Variants in BIRC6 observed in about 807,000 individuals in gnomAD.
BIRC6 encodes the protein dual E2 ubiquitin-conjugating enzyme/E3 ubiquitin-protein ligase BIRC6.
In BIRC6, 98 loss-of-function variants were observed where a neutral mutation model predicts 503.3. The observed-to-expected ratio is 0.19, with a 90% CI of 0.17 to 0.23. BIRC6 has a LOEUF of 0.23. Among genes scored for constraint, BIRC6 ranks in the 10% least tolerant of loss-of-function variants. The pLI is 1.00. For synonymous variants in BIRC6, 2,240 were observed against 2,078.7 expected, an observed-to-expected ratio of 1.08 and a Z score of -2.11; for missense variants, 5,360 against 5,806.0, an observed-to-expected ratio of 0.92 and a Z score of 2.50.
At chr2:32,377,883 A>G (rs1474797931) in intron 2 of BIRC6, 114 bp downstream of exon 2, 2 of 878,786 alleles carry the variant, frequency 2.3e-6, no homozygotes, top group African/African-American at 1.7e-5. Context: ...ATTGCTATAA[A>G]AACAATTTAC....
intron 73 of BIRC6, among the ~76,000 whole-genome samples, chr2:32,613,589 C>T (rs1346700914): frequency 6.6e-6 from 1 of 151,994 alleles, no homozygotes; most frequent in Admixed American, 6.6e-5. Context: ...CCATGTTGGC[C>T]AGGCTGGTCT....
intron 65 of BIRC6, among the ~76,000 whole-genome samples, chr2:32,552,582 A>G (rs967060507): frequency 1.3e-5 from 2 of 152,170 alleles, no homozygotes; most frequent in Non-Finnish European, 2.9e-5. Context: ...CCTTTTTTCC[A>G]TTACTAACTT....
At chr2:32,499,004 C>T (rs2052829243) in intron 45 of BIRC6, among the ~76,000 whole-genome samples, 1 of 152,206 alleles carries the variant, frequency 6.6e-6, no homozygotes, top group South Asian at 2.1e-4. Flanking sequence ...AGGCATGAGC[C>T]ACTGCACCTG....
intron 23 of BIRC6, among the ~76,000 whole-genome samples, chr2:32,461,630 A>C (rs2048005220): frequency 6.6e-6 from 1 of 151,012 alleles, no homozygotes; most frequent in Admixed American, 6.6e-5. Context: ...TTATAAGAGG[A>C]TATGTGCAGT....
intron 45 of BIRC6, among the ~76,000 whole-genome samples, chr2:32,496,693 T>C (rs1370143585): frequency 6.6e-6 from 1 of 152,244 alleles, no homozygotes; most frequent in Non-Finnish European, 1.5e-5. Context: ...TCCATTCCTT[T>C]TTCCTTATAA....
In BIRC6 at chr2:32,501,759, G is replaced by A. The variant is rs780164188; in HGVS notation, c.9078G>A (p.Gly3026=). 14 of 1,613,386 alleles carry A rather than the reference G, an allele frequency of 8.7e-6. No individual in the cohort carries two copies. The South Asian group carries it at 1.4e-4, about 16-fold the overall frequency. ...HLTKHENFHG[G]LDAISVGDGL... ...CTAAACATGAAAACTTTCATGGTGG[G>A]TTGGATGCCATATCAGTTGGGGATG... The change falls in exon 47 of 74, where the codon GGG becomes GGA. Residue 3026 remains glycine, a synonymous_variant. Transcript: ENST00000421745.
chr2:32,424,651 A>G (rs1466848882), intron 10 of BIRC6, among the ~76,000 whole-genome samples: 1 of 151,560 alleles, frequency 6.6e-6, no homozygotes, highest in African/African-American at 2.4e-5. Flanking sequence ...AGTAGCTGGG[A>G]TTAGGCACGC....
In BIRC6 at chr2:32,492,441, A is replaced by T. The variant is rs532111156; in HGVS notation, c.8340+883A>T. Among the ~76,000 whole-genome samples, 78 of 152,238 alleles carry T rather than the reference A, an allele frequency of 5.1e-4. 1 individual carries two copies. The highest frequency in any genetic ancestry group is 1.8e-3 in the African/African-American group (75 of 41,576). Reference sequence around the variant, plus strand: ...AGAGAAGAAACTAACTTACAGTTAGATTGGGACAGGGTTTTGGTAGGGGCA... The same window carrying T: ...AGAGAAGAAACTAACTTACAGTTAGTTTGGGACAGGGTTTTGGTAGGGGCA... On this transcript the variant is annotated intron_variant, in intron 44 of 73. Coordinates refer to ENST00000421745, the MANE Select transcript of BIRC6 (RefSeq NM_016252.4).
intron 45 of BIRC6, among the ~76,000 whole-genome samples, chr2:32,497,169 T>G (rs1228520301): frequency 6.6e-6 from 1 of 152,194 alleles, no homozygotes; most frequent in Non-Finnish European, 1.5e-5. Context: ...TGTTCATACG[T>G]TGAATTATAT....
At position 32,487,774 on chromosome 2, in the gene BIRC6, T is replaced by C; in HGVS notation, c.7941T>C (p.Phe2647=). The change falls in exon 41 of 74, where the codon TTT becomes TTC. Residue 2647 remains phenylalanine (F), a synonymous_variant. Coordinates refer to ENST00000421745, the MANE Select transcript of BIRC6 (RefSeq NM_016252.4). ...PMLNVCFNKL[F]SMLQVHHVQL... Reference sequence around the variant, plus strand: ...TAAATGTTTGTTTCAACAAACTTTTTTCCATGCTTCAAGTCCATCATGTTC... The same window carrying C: ...TAAATGTTTGTTTCAACAAACTTTTCTCCATGCTTCAAGTCCATCATGTTC... The C allele has an allele frequency of 6.2e-7, 1 of 1,612,668 alleles. No individual in the cohort carries two copies. Among genetic ancestry groups the C allele is most frequent in the Non-Finnish European group, 8.5e-7 (1 of 1,178,794 alleles).
At chr2:32,468,196 T>C (rs2048758598) in intron 28 of BIRC6, 85 bp downstream of exon 28, 2 of 1,379,268 alleles carry the variant, frequency 1.5e-6, no homozygotes, top group African/African-American at 2.9e-5. Context: ...AGAAATGTCT[T>C]TTCATAGGTG....
chr2:32,531,204 C>G, intron 60 of BIRC6, 151 bp from the exon 61 acceptor site: 1 of 634,912 alleles, frequency 1.6e-6, no homozygotes, highest in Non-Finnish European at 2.6e-6. Flanking sequence ...ATTGTACCGT[C>G]TAGCCATAAT....
intron 13 of BIRC6, 31 bp downstream of exon 13, chr2:32,433,835 A>T: frequency 4.2e-6 from 6 of 1,434,390 alleles, no homozygotes; most frequent in Non-Finnish European, 5.6e-6. Context: ...ATCTTTGAAG[A>T]TTTTATTTTG....
In BIRC6 at chr2:32,357,690, C is replaced by T. The variant is rs953412757; in HGVS notation, c.325+204C>T. 6.6e-6 allele frequency among the ~76,000 whole-genome samples: 1 copy of T among 152,056 alleles called. No homozygotes were observed. Among genetic ancestry groups the T allele is most frequent in the Admixed American group, 6.5e-5 (1 of 15,268 alleles). On this transcript the variant is annotated intron_variant, in intron 1 of 73. Transcript: ENST00000421745. The surrounding 1 kb of genome is among the most constrained non-coding windows in gnomAD (Gnocchi z 4.9). ...AGCGGCTGCAGTTGGGAGGAAAGAC[C>T]GGCGAGTCAGGGAGTGGTGGGAGGG... is the stretch of plus-strand genomic sequence containing the variant.
At chr2:32,432,804 T>C (rs1208825559) in intron 12 of BIRC6, among the ~76,000 whole-genome samples, 1 of 149,812 alleles carries the variant, frequency 6.7e-6, no homozygotes, top group Non-Finnish European at 1.5e-5. Flanking sequence ...GATGGGAAAG[T>C]GTTAGCAGGT....
intron 23 of BIRC6, among the ~76,000 whole-genome samples, chr2:32,455,390 A>G (rs2047139061): frequency 6.6e-6 from 1 of 151,586 alleles, no homozygotes; most frequent in Admixed American, 6.6e-5. Context: ...AAAAAAAAAA[A>G]AAAAAAAAAA....
At chr2:32,531,021 A>G (rs2056705649) in intron 60 of BIRC6, among the ~76,000 whole-genome samples, 1 of 152,208 alleles carries the variant, frequency 6.6e-6, no homozygotes, top group African/African-American at 2.4e-5. Context: ...GTATGCCCTA[A>G]AGGACAGTGC....
chr2:32,605,891 G>A (rs1275160924), intron 71 of BIRC6, among the ~76,000 whole-genome samples: 27 of 152,034 alleles, frequency 1.8e-4, no homozygotes, highest in Admixed American at 1.8e-3. Flanking sequence ...AAAAATATGA[G>A]ATCTTTATCT....
intron 22 of BIRC6, among the ~76,000 whole-genome samples, chr2:32,451,562 A>G (rs939137105): frequency 7.2e-5 from 11 of 152,224 alleles, no homozygotes; most frequent in Admixed American, 7.2e-4. Context: ...TTAAAATTTT[A>G]ACCCATGAAT....
Sources: allele counts gnomAD v4.1 joint callset (sites outside exome capture counted in the v4.1 genomes callset), GRCh38; gene constraint gnomAD v4.1.1; non-coding constraint Gnocchi (gnomAD v3.1); transcripts MANE v1.5; gene names NCBI Gene and HGNC (gene_info 2026-07-23, HGNC 2026-07-21).